The following MRC2 variants were observed in gnomAD, a reference collection of about 807,000 sequenced individuals.
MRC2 encodes the protein mannose receptor C-type 2, also known as C-type mannose receptor 2.
Under a neutral mutation model 206.2 loss-of-function variants are expected in MRC2, and 84 were observed. The observed-to-expected ratio is 0.41, with a 90% confidence interval of 0.34 to 0.49. The LOEUF (loss-of-function observed/expected upper bound fraction) is 0.49. Ranked by LOEUF, MRC2 falls within the 20% of genes least tolerant of loss-of-function variation. The pLI, the probability that MRC2 is intolerant of heterozygous loss-of-function variation, is 0.31. For synonymous variants in MRC2, 798 were observed against 800.0 expected, an observed-to-expected ratio of 1.00 and a Z score of 0.04; for missense variants, 1,676 against 2,001.5, an observed-to-expected ratio of 0.84 and a Z score of 3.10.
In MRC2 at chr17:62,652,918, G is replaced by T. The variant is rs566130218; in HGVS notation, c.119-11630G>T. Among the ~76,000 whole-genome samples the T allele has an allele frequency of 6.0e-3, 913 of 152,140 alleles. 9 individuals carry two copies. Among genetic ancestry groups the T allele is most frequent in the African/African-American group, 0.021 (863 of 41,476 alleles). On this transcript the variant is annotated intron_variant, in intron 1 of 29. Transcript: ENST00000303375. This position sits in a 1 kb window ranked among gnomAD's most constrained non-coding sequence, Gnocchi z 4.6. ...GGGGCGCACGATGGCGGGGGCAGGG[G>T]TGCCCCTTGGGAGCAGAAGCAGAGA...
chr17:62,666,168 C>G lies in MRC2; in HGVS notation c.595C>G (p.His199Asp). ...IPFKYDNQWF[H>D]GCTSTGREDG... Reference sequence around the variant, plus strand: ...CTTCAAATATGACAACCAGTGGTTCCACGGCTGCACCAGCACGGGCCGCGA... The same window carrying G: ...CTTCAAATATGACAACCAGTGGTTCGACGGCTGCACCAGCACGGGCCGCGA... The change falls in exon 3 of 30, where the codon CAC becomes GAC. Residue 199 changes from histidine to aspartate, a missense_variant. This residue lies in a region of MRC2 where 318 missense variants were observed against 346.7 expected (regional missense o/e 0.92). Transcript: ENST00000303375. This position sits in a 1 kb window ranked among gnomAD's most constrained non-coding sequence, Gnocchi z 5.0. 6.2e-7 allele frequency: 1 copy of G among 1,601,318 alleles called. No individual in the cohort carries two copies.
intron 1 of MRC2, among the ~76,000 whole-genome samples, chr17:62,638,737 C>CAAAA (rs59450498): frequency 2.6e-4 from 22 of 85,112 alleles, no homozygotes; most frequent in Admixed American, 4.0e-4. Flanking sequence ...AACCCTGTCT[C>CAAAA]AAAAAAAAAA....
chr17:62,672,098 T>C lies in MRC2; in HGVS notation c.1407T>C (p.Phe469=). 6.2e-7 allele frequency: 1 copy of C among 1,613,844 alleles called. No homozygotes were observed. Among genetic ancestry groups the C allele is most frequent in the South Asian group, 1.1e-5 (1 of 91,074 alleles). The change falls in exon 8 of 30, where the codon TTT becomes TTC. Residue 469 remains phenylalanine, a synonymous_variant. Coordinates refer to ENST00000303375, the MANE Select transcript of MRC2 (RefSeq NM_006039.5). This position sits in a 1 kb window ranked among gnomAD's most constrained non-coding sequence, Gnocchi z 4.5. ...SLVSFTHWHP[F]EPNNFRDSLE... ...TGAGCTTCACCCACTGGCACCCCTTTGAGCCCAACAACTTCCGGGACAGTC... is the reference window on the plus strand; with the variant it reads ...TGAGCTTCACCCACTGGCACCCCTTCGAGCCCAACAACTTCCGGGACAGTC...
chr17:62,665,530 A>T (rs2088741388), intron 2 of MRC2, among the ~76,000 whole-genome samples: 1 of 152,236 alleles, frequency 6.6e-6, no homozygotes, highest in African/African-American at 2.4e-5. Flanking sequence ...ACAAGTATAT[A>T]ACATAAAATT....
At chr17:62,687,458 C>G in intron 20 of MRC2, among the ~76,000 whole-genome samples, 1 of 152,206 alleles carries the variant, frequency 6.6e-6, no homozygotes, top group East Asian at 1.9e-4. Context: ...CCGTGCCTGG[C>G]CAACACCCTT....
At position 62,689,989 on chromosome 17, in the gene MRC2, A is replaced by C. The variant is rs1335404887; in HGVS notation, c.3669A>C (p.Val1223=). The C allele has an allele frequency of 6.2e-7, 1 of 1,612,646 alleles. No homozygotes were observed. The highest frequency in any genetic ancestry group is 8.5e-7 in the Non-Finnish European group (1 of 1,179,804). The change falls in exon 25 of 30, where the codon GTA becomes GTC. Residue 1223 remains valine, a synonymous_variant. Coordinates refer to ENST00000303375, the MANE Select transcript of MRC2 (RefSeq NM_006039.5). ...EPQQPGGCTY[V]DVDGAWRTTS... The stretch of plus-strand genomic sequence containing the variant: ...AGCAGCCGGGGGGCTGTACCTACGT[A>C]GATGTGGACGGGGCCTGGCGCACCA...
intron 20 of MRC2, among the ~76,000 whole-genome samples, chr17:62,688,048 A>G (rs543328568): frequency 1.9e-3 from 293 of 152,282 alleles, no homozygotes; most frequent in Admixed American, 5.7e-3. Context: ...TGACGGCCCA[A>G]AGAAATCCTC....
chr17:62,688,493 G>C lies in MRC2; in HGVS notation c.3062-8G>C. The C allele has an allele frequency of 6.2e-7, 1 of 1,614,200 alleles. No individual in the cohort carries two copies. Among genetic ancestry groups the C allele is most frequent in the Non-Finnish European group, 8.5e-7 (1 of 1,180,034 alleles). On this transcript the variant is annotated splice_region_variant and splice_polypyrimidine_tract_variant and intron_variant, in intron 21 of 29. Transcript: ENST00000303375. ...GAGTCACTCACAACTGTCTTCTGGG[G>C]ACCATAGCATTCATCACAGCCAGCC...
At chr17:62,690,439 C>A in intron 26 of MRC2, 134 bp downstream of exon 26, 1 of 1,371,894 alleles carries the variant, frequency 7.3e-7, no homozygotes, top group East Asian at 2.4e-5. Flanking sequence ...CTCGTGCTCT[C>A]ACATGTGGAG....
At chr17:62,649,755 C>T (rs16946311) in intron 1 of MRC2, among the ~76,000 whole-genome samples, 6,724 of 152,110 alleles carry the variant, frequency 0.044, 525 homozygotes, top group African/African-American at 0.15. Flanking sequence ...CTCATGTCTC[C>T]TATGCAGCGT....
At chr17:62,679,145 G>A (rs184871434) in intron 13 of MRC2, among the ~76,000 whole-genome samples, 27 of 152,302 alleles carry the variant, frequency 1.8e-4, no homozygotes, top group Non-Finnish European at 8.8e-5. Context: ...GCATTAGCAC[G>A]TGGAATCCCC....
intron 1 of MRC2, among the ~76,000 whole-genome samples, chr17:62,628,220 C>T (rs993487870): frequency 2.6e-5 from 4 of 151,954 alleles, no homozygotes; most frequent in Non-Finnish European, 4.4e-5. Context: ...CTCTTGAGGA[C>T]CCCCGCGCAC....
In MRC2 at chr17:62,680,008, C is replaced by A; in HGVS notation, c.2298+106C>A. The A allele has an allele frequency of 6.8e-7, 1 of 1,466,810 alleles. No homozygotes were observed. Among genetic ancestry groups the A allele is most frequent in the South Asian group, 1.3e-5 (1 of 75,904 alleles). The allele number at this position is 1,466,810 out of a possible 1,614,324, so 90.9% of individuals were successfully genotyped here. A position where few individuals can be genotyped will look rare whatever the true frequency, so the allele number is the denominator to read the frequency against. ...GGCGGGTTTTCTTGAGGGCCGGGCC[C>A]CCAGTCGGAGCCGGCTTCAGGAAAG... On this transcript the variant is annotated intron_variant, in intron 14 of 29. Transcript: ENST00000303375. The surrounding 1 kb of genome is among the most constrained non-coding windows in gnomAD (Gnocchi z 4.8).
chr17:62,640,406 G>A (rs917399664), intron 1 of MRC2, among the ~76,000 whole-genome samples: 1 of 152,158 alleles, frequency 6.6e-6, no homozygotes, highest in Non-Finnish European at 1.5e-5. Flanking sequence ...TGGTGAGCAG[G>A]CTAGGCATGA....
intron 1 of MRC2, among the ~76,000 whole-genome samples, chr17:62,640,979 A>G (rs2088395533): frequency 6.6e-6 from 1 of 151,472 alleles, no homozygotes; most frequent in South Asian, 2.1e-4. Context: ...AAGTGCTGAG[A>G]TTACAGGCGT....
At chr17:62,670,114 T>C (rs1487770274) in intron 6 of MRC2, among the ~76,000 whole-genome samples, 6 of 152,212 alleles carry the variant, frequency 3.9e-5, no homozygotes, top group Non-Finnish European at 8.8e-5. Flanking sequence ...CAGACAGATG[T>C]AAGGCCTCGG....
intron 6 of MRC2, among the ~76,000 whole-genome samples, chr17:62,669,252 T>C (rs1490426286): frequency 6.6e-6 from 1 of 152,190 alleles, no homozygotes; most frequent in Non-Finnish European, 1.5e-5. Context: ...TCTCACTCTG[T>C]CACCCAGGCT....
At position 62,677,226 on chromosome 17, in the gene MRC2, T is replaced by C. The variant is rs764116171; in HGVS notation, c.1835-43T>C. On this transcript the variant is annotated intron_variant, in intron 11 of 29. Coordinates refer to ENST00000303375, the MANE Select transcript of MRC2 (RefSeq NM_006039.5). The stretch of plus-strand genomic sequence containing the variant: ...CGGGATGTGAGGGAGGACCAGACTA[T>C]GAATCCTTCTCAGAGCCTGGGTCTC... The C allele has an allele frequency of 5.4e-6, 8 of 1,492,406 alleles. No homozygotes were observed. In the East Asian group the frequency reaches 1.7e-4, roughly 32 times the overall value. 92.4% of individuals were successfully genotyped at this position (1,492,406 alleles called of 1,614,324 possible). A position where few individuals can be genotyped will look rare whatever the true frequency, so the allele number is the denominator to read the frequency against.
At chr17:62,661,397 A>T (rs2088677654) in intron 1 of MRC2, among the ~76,000 whole-genome samples, 1 of 152,058 alleles carries the variant, frequency 6.6e-6, no homozygotes, top group Non-Finnish European at 1.5e-5. Context: ...CTGTCTATGC[A>T]TATCTCTTCT....
Sources: gnomAD v4.1 joint callset for allele counts (sites outside exome capture counted in the v4.1 genomes callset) on GRCh38, gnomAD v4.1.1 for gene constraint, gnomAD v4.1.1 regional missense constraint, Gnocchi (gnomAD v3.1) non-coding constraint, MANE v1.5 for transcripts, NCBI Gene and HGNC (gene_info 2026-07-23, HGNC 2026-07-21) for gene names.